The following TMEM132D variants were observed in gnomAD, a reference collection of about 807,000 sequenced individuals.
The protein encoded by TMEM132D is transmembrane protein 132D, also known as mature OL transmembrane protein.
In TMEM132D, 21 loss-of-function variants were observed where a neutral mutation model predicts 62.3. The ratio of observed to expected loss-of-function variants is 0.34; its 90% CI spans 0.24 to 0.49. TMEM132D has a LOEUF of 0.49. Ranked by LOEUF, TMEM132D falls within the 20% of genes least tolerant of loss-of-function variation. The probability of loss-of-function intolerance (pLI) is 0.99; values close to 1 mark genes in which losing one functional copy is unlikely to be tolerated. For missense variants in TMEM132D, 1,346 were observed against 1,402.8 expected, an observed-to-expected ratio of 0.96 and a Z score of 0.65; for synonymous variants, 621 against 575.6, an observed-to-expected ratio of 1.08 and a Z score of -1.13.
rs1359015429 is a variant in TMEM132D, at chr12:129,614,094, G to A, written c.969-82889C>T. ...GACTGTCTCCAGGACCCAGGTGACT[G>A]TCTCCATAACCTAGGCGACTGTCTC... On this transcript the variant is annotated intron_variant, in intron 2 of 8. Coordinates refer to ENST00000422113, the MANE Select transcript of TMEM132D (RefSeq NM_133448.3). 2.2e-5 allele frequency among the ~76,000 whole-genome samples: 3 copies of A among 137,680 alleles called. No individual in the cohort carries two copies. In the East Asian group the frequency reaches 7.0e-4, roughly 32 times the overall value. The allele number at this position is 137,680 out of a possible 152,430, so 90.3% of individuals were successfully genotyped here. A position where few individuals can be genotyped will look rare whatever the true frequency, so the allele number is the denominator to read the frequency against.
intron 3 of TMEM132D, among the ~76,000 whole-genome samples, chr12:129,356,146 G>GA (rs1870037997): frequency 3.4e-5 from 1 of 29,842 alleles, no homozygotes; most frequent in African/African-American, 1.1e-4. Flanking sequence ...AAACTGAAGG[G>GA]ATTTTTTTTT....
chr12:129,217,140 A>G (rs1879228118), intron 4 of TMEM132D, among the ~76,000 whole-genome samples: 1 of 152,188 alleles, frequency 6.6e-6, no homozygotes. Context: ...AAAATAGTGT[A>G]ATGTGAGCTG....
intron 3 of TMEM132D, among the ~76,000 whole-genome samples, chr12:129,438,108 T>C (rs1872838902): frequency 1.3e-5 from 2 of 152,188 alleles, no homozygotes; most frequent in Non-Finnish European, 2.9e-5. Flanking sequence ...ATGGTGAATA[T>C]GTACCACATT....
intron 3 of TMEM132D, among the ~76,000 whole-genome samples, chr12:129,403,946 G>A (rs1050722974): frequency 5.9e-5 from 9 of 152,084 alleles, no homozygotes; most frequent in Non-Finnish European, 1.0e-4. Context: ...TGTGCTTTGC[G>A]TGTTGGAGGG....
chr12:129,730,211 G>T (rs937037432), intron 1 of TMEM132D, among the ~76,000 whole-genome samples: 3 of 152,154 alleles, frequency 2.0e-5, no homozygotes, highest in Non-Finnish European at 4.4e-5. Flanking sequence ...CTGAGGAGCC[G>T]AAAGTCTAAT....
chr12:129,871,552 C>T (rs757369752), intron 1 of TMEM132D, among the ~76,000 whole-genome samples: 8 of 151,888 alleles, frequency 5.3e-5, no homozygotes, highest in Non-Finnish European at 1.2e-4. Flanking sequence ...AAAAATACAC[C>T]AAGTCGAAAT....
At chr12:129,788,966 G>A (rs975662911) in intron 1 of TMEM132D, among the ~76,000 whole-genome samples, 1 of 152,148 alleles carries the variant, frequency 6.6e-6, no homozygotes, top group Non-Finnish European at 1.5e-5. Flanking sequence ...GTCAGAGAGA[G>A]GAACAGCAGC....
At chr12:129,146,015 C>T (rs1160615720) in intron 5 of TMEM132D, among the ~76,000 whole-genome samples, 1 of 152,042 alleles carries the variant, frequency 6.6e-6, no homozygotes, top group Admixed American at 6.5e-5. Flanking sequence ...TTTTGGTATG[C>T]ATATACGTTG....
chr12:129,706,831 A>C (rs1262303854), intron 1 of TMEM132D, among the ~76,000 whole-genome samples: 1 of 151,916 alleles, frequency 6.6e-6, no homozygotes, highest in Non-Finnish European at 1.5e-5. Flanking sequence ...GAGAAACCCA[A>C]CTACTTAACA....
intron 4 of TMEM132D, among the ~76,000 whole-genome samples, chr12:129,308,931 A>G (rs747415381): frequency 6.6e-5 from 10 of 152,218 alleles, no homozygotes; most frequent in Non-Finnish European, 1.5e-4. Context: ...AGGAGCAAGT[A>G]ACTATAGCTT....
In TMEM132D at chr12:129,859,119, C is replaced by T. The variant is rs1424463116; in HGVS notation, c.79+44142G>A. On this transcript the variant is annotated intron_variant, in intron 1 of 8. Transcript: ENST00000422113. The stretch of plus-strand genomic sequence containing the variant: ...AGAGTCCTGCGGGAGGGTGTTCATC[C>T]GTTCCACCACGTGAGGACACGGTGA... Among the ~76,000 whole-genome samples, 3 of 152,174 alleles carry T rather than the reference C, an allele frequency of 2.0e-5. No homozygotes were observed. The East Asian group carries it at 5.8e-4, about 29-fold the overall frequency.
intron 5 of TMEM132D, among the ~76,000 whole-genome samples, chr12:129,186,088 C>G (rs1164333034): frequency 2.6e-5 from 4 of 152,178 alleles, no homozygotes; most frequent in Admixed American, 2.6e-4. Flanking sequence ...TGGATTCTGC[C>G]AGACCCTTCC....
At chr12:129,553,675 C>T (rs75494566) in intron 2 of TMEM132D, among the ~76,000 whole-genome samples, 1 of 152,180 alleles carries the variant, frequency 6.6e-6, no homozygotes, top group African/African-American at 2.4e-5. Flanking sequence ...ACAAATTGGG[C>T]TCCCCCAAGC....
intron 2 of TMEM132D, among the ~76,000 whole-genome samples, chr12:129,665,204 G>C (rs1051581588): frequency 3.9e-5 from 6 of 152,088 alleles, no homozygotes; most frequent in East Asian, 1.9e-4. Flanking sequence ...AGGTGGGGGG[G>C]GCATCTTGGG....
chr12:129,133,696 A>G (rs1021487241), intron 5 of TMEM132D, among the ~76,000 whole-genome samples: 4 of 152,144 alleles, frequency 2.6e-5, no homozygotes, highest in Admixed American at 2.0e-4. Flanking sequence ...TCTGCTTTCC[A>G]CTATTTAGCC....
chr12:129,126,362 T>G (rs1455799689), intron 5 of TMEM132D, among the ~76,000 whole-genome samples: 3 of 152,000 alleles, frequency 2.0e-5, no homozygotes, highest in Non-Finnish European at 4.4e-5. Context: ...CTCTCTCTTT[T>G]TTTTTTTTTT....
intron 1 of TMEM132D, among the ~76,000 whole-genome samples, chr12:129,747,209 C>CCTTCTCCCTCCTCCCTCTCCTTCTTA (rs1869822286): frequency 6.8e-5 from 2 of 29,506 alleles, no homozygotes; most frequent in African/African-American, 7.9e-5. Context: ...CCTTCTTACT[C>CCTTCTCCCTCCTCCCTCTCCTTCTTA]CTCCTTCCAG....
At chr12:129,842,142 G>T (rs1398706400) in intron 1 of TMEM132D, among the ~76,000 whole-genome samples, 1 of 138,054 alleles carries the variant, frequency 7.2e-6, no homozygotes, top group East Asian at 2.1e-4. Context: ...TAGAGATGGG[G>T]TTTCACCTTG....
intron 4 of TMEM132D, among the ~76,000 whole-genome samples, chr12:129,295,988 A>G (rs1254074794): frequency 6.6e-6 from 1 of 152,114 alleles, no homozygotes; most frequent in Non-Finnish European, 1.5e-5. Flanking sequence ...AACTATACTC[A>G]CACACAAATG....
Sources: gnomAD v4.1 joint callset for allele counts (sites outside exome capture counted in the v4.1 genomes callset) on GRCh38, gnomAD v4.1.1 for gene constraint, MANE v1.5 for transcripts, NCBI Gene and HGNC (gene_info 2026-07-23, HGNC 2026-07-21) for gene names.